SLC16A7: variants seen among roughly 807,000 people sequenced by gnomAD.
SLC16A7 encodes solute carrier family 16 member 7.
A neutral mutation model predicts 34.9 loss-of-function variants in SLC16A7; 33 were observed. The observed-to-expected ratio is 0.94, with a 90% confidence interval of 0.72 to 1.26. The LOEUF is 1.26. SLC16A7 is among the 50% of genes most tolerant of loss of function. The pLI is 0.00. For missense variants in SLC16A7, 573 were observed against 578.1 expected (o/e 0.99, Z 0.09); for synonymous variants, 201 against 206.6 (o/e 0.97, Z 0.23).
In SLC16A7 at chr12:59,759,825, G is replaced by A. The variant is rs577320327; in HGVS notation, c.218-11394G>A. On this transcript the variant is annotated intron_variant, in intron 3 of 5. Coordinates refer to ENST00000547379, the MANE Select transcript of SLC16A7 (RefSeq NM_001270623.2). ...TATCTTTTCTGTGGAATTATTTTTGGTCAGTTCCTATAAACAATCTTTTTT... is the reference window on the plus strand; with the variant it reads ...TATCTTTTCTGTGGAATTATTTTTGATCAGTTCCTATAAACAATCTTTTTT... Among the ~76,000 whole-genome samples the A allele has an allele frequency of 1.3e-4, 19 of 151,988 alleles. 1 individual carries two copies. In the South Asian group the frequency reaches 3.9e-3, roughly 32 times the overall value.
chr12:59,709,592 G>T (rs1372274771), intron 3 of SLC16A7, among the ~76,000 whole-genome samples: 1 of 151,598 alleles, frequency 6.6e-6, no homozygotes, highest in Non-Finnish European at 1.5e-5. Context: ...AATAAAAAAA[G>T]AAAGTCATTC....
chr12:59,759,339 A>G (rs1003415441), intron 3 of SLC16A7, among the ~76,000 whole-genome samples: 3 of 151,806 alleles, frequency 2.0e-5, no homozygotes, highest in Non-Finnish European at 4.4e-5. Flanking sequence ...TTAAAATAGG[A>G]CCCCATTTTC....
intron 3 of SLC16A7, chr12:59,768,289 A>G (rs1404939345): frequency 4.5e-6 from 2 of 440,810 alleles, no homozygotes; most frequent in South Asian, 1.6e-5. Flanking sequence ...TTCAATCCTC[A>G]TGGGTGACTT....
At chr12:59,753,873 A>G (rs74998459) in intron 3 of SLC16A7, among the ~76,000 whole-genome samples, 18,381 of 152,198 alleles carry the variant, frequency 0.12, 1,437 homozygotes, top group African/African-American at 0.21. Flanking sequence ...TCTCCTCAGC[A>G]AATGTAAAAG....
intron 2 of SLC16A7, among the ~76,000 whole-genome samples, chr12:59,670,268 C>T (rs907331317): frequency 1.3e-5 from 2 of 152,174 alleles, no homozygotes; most frequent in Non-Finnish European, 2.9e-5. Context: ...GCTCACCCTA[C>T]TCCATTGTGA....
intron 3 of SLC16A7, among the ~76,000 whole-genome samples, chr12:59,754,195 A>T (rs1046188359): frequency 2.0e-5 from 3 of 152,210 alleles, no homozygotes; most frequent in African/African-American, 7.2e-5. Flanking sequence ...CAATTAAAAG[A>T]ACTAGAAAAG....
At chr12:59,674,697 G>A (rs1000581190) in intron 2 of SLC16A7, among the ~76,000 whole-genome samples, 2 of 152,162 alleles carry the variant, frequency 1.3e-5, no homozygotes, top group Non-Finnish European at 2.9e-5. Context: ...GAGCAGCATG[G>A]CAGAAATAAG....
At chr12:59,642,819 ATTG>A (rs1344503023) in intron 1 of SLC16A7, among the ~76,000 whole-genome samples, 6 of 152,094 alleles carry the variant, frequency 3.9e-5, no homozygotes, top group Non-Finnish European at 7.4e-5. Flanking sequence ...AGATTCCATA[ATTG>A]TTGTGAAGAA....
intron 1 of SLC16A7, among the ~76,000 whole-genome samples, chr12:59,614,866 G>A (rs968572507): frequency 2.0e-5 from 3 of 149,584 alleles, no homozygotes; most frequent in African/African-American, 7.4e-5. Context: ...AGCCAGGCGT[G>A]GTGGTGGGCA....
chr12:59,735,711 T>A (rs546611477), intron 3 of SLC16A7, among the ~76,000 whole-genome samples: 2 of 152,302 alleles, frequency 1.3e-5, no homozygotes, highest in East Asian at 3.9e-4. Flanking sequence ...CCTGCTGCTT[T>A]TGCATTATAT....
intron 1 of SLC16A7, among the ~76,000 whole-genome samples, chr12:59,630,590 C>T (rs963691573): frequency 2.6e-5 from 4 of 151,842 alleles, no homozygotes; most frequent in Non-Finnish European, 5.9e-5. Context: ...TGGCTATGAA[C>T]TAAACAAGAT....
intron 3 of SLC16A7, among the ~76,000 whole-genome samples, chr12:59,757,497 A>T (rs1041575216): frequency 6.6e-6 from 1 of 152,148 alleles, no homozygotes; most frequent in South Asian, 2.1e-4. Flanking sequence ...GATTTTTTTC[A>T]TGACTTGCAC....
intron 2 of SLC16A7, among the ~76,000 whole-genome samples, chr12:59,659,906 A>C (rs1868746757): frequency 6.6e-6 from 1 of 152,138 alleles, no homozygotes; most frequent in Non-Finnish European, 1.5e-5. Flanking sequence ...TTTTAACAGC[A>C]GTGTCTGCAT....
At chr12:59,705,911 T>G (rs1206034173) in intron 3 of SLC16A7, among the ~76,000 whole-genome samples, 5 of 152,172 alleles carry the variant, frequency 3.3e-5, no homozygotes, top group Non-Finnish European at 5.9e-5. Flanking sequence ...TGGCTCTTAG[T>G]CATGAAAATA....
chr12:59,757,924 A>T (rs980821487), intron 3 of SLC16A7, among the ~76,000 whole-genome samples: 1 of 152,148 alleles, frequency 6.6e-6, no homozygotes, highest in Admixed American at 6.6e-5. Flanking sequence ...ATGTGCGTTA[A>T]TCTATTATTT....
intron 3 of SLC16A7, among the ~76,000 whole-genome samples, chr12:59,705,229 G>A (rs1246072625): frequency 6.6e-6 from 1 of 152,108 alleles, no homozygotes; most frequent in East Asian, 1.9e-4. Context: ...CTTAATGGAG[G>A]ATTTGTTTGA....
chr12:59,728,260 GCACT>G, intron 3 of SLC16A7, among the ~76,000 whole-genome samples: 1 of 152,224 alleles, frequency 6.6e-6, no homozygotes, highest in Non-Finnish European at 1.5e-5. Flanking sequence ...AAGAGCATGG[GCACT>G]CACTCACTGC....
chr12:59,647,951 G>T (rs1054918406), intron 1 of SLC16A7, among the ~76,000 whole-genome samples: 1 of 152,122 alleles, frequency 6.6e-6, no homozygotes, highest in Admixed American at 6.6e-5. Flanking sequence ...TATTTGGGAG[G>T]CTGAGGTGGG....
intron 2 of SLC16A7, among the ~76,000 whole-genome samples, chr12:59,697,013 C>T (rs907698527): frequency 4.6e-5 from 7 of 151,658 alleles, no homozygotes; most frequent in African/African-American, 1.2e-4. Flanking sequence ...GGAGAAAAAA[C>T]GCTTAATCAT....
Sources: gnomAD v4.1 joint callset for allele counts (sites outside exome capture counted in the v4.1 genomes callset) on GRCh38, gnomAD v4.1.1 for gene constraint, MANE v1.5 for transcripts, NCBI Gene and HGNC (gene_info 2026-07-23, HGNC 2026-07-21) for gene names.